The following CRISP1 variants were observed in gnomAD, a reference collection of about 807,000 sequenced individuals.
The protein encoded by CRISP1 is cysteine-rich secretory protein 1.
In CRISP1, 44 loss-of-function variants were observed where a neutral mutation model predicts 33.1. That is an observed-to-expected ratio of 1.33 (90% CI 1.05 to 1.71). The LOEUF (loss-of-function observed/expected upper bound fraction) is 1.71. Among genes scored for constraint, CRISP1 ranks in the 40% most tolerant of loss-of-function variants. The pLI, the probability that CRISP1 is intolerant of heterozygous loss-of-function variation, is 0.00. For missense variants in CRISP1, 390 were observed against 301.2 expected (o/e 1.29, Z -2.18); for synonymous variants, 103 against 98.7 (o/e 1.04, Z -0.26).
intron 1 of CRISP1, among the ~76,000 whole-genome samples, chr6:49,872,956 A>T (rs1771959976): frequency 6.6e-6 from 1 of 152,036 alleles, no homozygotes; most frequent in South Asian, 2.1e-4. Flanking sequence ...TGGTAGCTTG[A>T]TGGGGATGGC....
intron 1 of CRISP1, chr6:49,876,930 G>T (rs1229894114): frequency 6.6e-6 from 1 of 151,722 alleles, no homozygotes; most frequent in Non-Finnish European, 1.5e-5. Context: ...ATAGCCAATG[G>T]ATGCTGGGCT....
At position 49,840,900 on chromosome 6, in the gene CRISP1, A is replaced by T; in HGVS notation, c.531T>A (p.His177Gln). ...TTTTAAAAACTAATAATACATACTC[A>T]TGACAATAGTGACAAACGTAGAGAT... ...PRYLYVCHYC[H>Q]EGNDPETKNE... Residue 177 changes from histidine (H) to glutamine (Q), a missense_variant and splice_region_variant, in exon 6 of 8, where the codon CAT becomes CAA. By Grantham distance (24) the His-to-Gln change is conservative. Transcript: ENST00000335847. 1 of 1,611,566 alleles carries T rather than the reference A, an allele frequency of 6.2e-7. No individual in the cohort carries two copies. Among genetic ancestry groups the T allele is most frequent in the Non-Finnish European group, 8.5e-7 (1 of 1,178,212 alleles).
intron 5 of CRISP1, 90 bp from the exon 6 acceptor site, chr6:49,841,085 C>A: frequency 8.3e-7 from 1 of 1,197,718 alleles, no homozygotes; most frequent in South Asian, 1.3e-5. Context: ...TAAAAGTAAA[C>A]ATGTTGCTTT....
chr6:49,844,801 T>C (rs1167219351), intron 5 of CRISP1, among the ~76,000 whole-genome samples: 1 of 152,240 alleles, frequency 6.6e-6, no homozygotes, highest in Admixed American at 6.5e-5. Context: ...TGAGAATGTC[T>C]ATCCTATGCC....
At chr6:49,854,972 C>T (rs1292367903) in intron 2 of CRISP1, among the ~76,000 whole-genome samples, 3 of 152,122 alleles carry the variant, frequency 2.0e-5, no homozygotes, top group Non-Finnish European at 4.4e-5. Flanking sequence ...AGAAATACTC[C>T]TATTAAAATC....
upstream of CRISP1, among the ~76,000 whole-genome samples, chr6:49,869,642 G>A (rs1447861840): frequency 6.6e-6 from 1 of 152,132 alleles, no homozygotes; most frequent in Non-Finnish European, 1.5e-5. Flanking sequence ...ACAGAAAGAT[G>A]TCAGTATAAA....
rs1771006126 is a variant in CRISP1 at position 49,841,996 on chromosome 6, T to C, written c.436-1001A>G. Among the ~76,000 whole-genome samples the C allele has an allele frequency of 2.0e-5, 3 of 152,318 alleles. No individual in the cohort carries two copies. The South Asian group carries it at 6.2e-4, about 32-fold the overall frequency. ...CCTTATGTGAGCCTGGGTAGCTTTCTCACAGTCCTAGAGACTTTCCTCACA... is the reference window on the plus strand; with the variant it reads ...CCTTATGTGAGCCTGGGTAGCTTTCCCACAGTCCTAGAGACTTTCCTCACA... On this transcript the variant is annotated intron_variant, in intron 5 of 7. Transcript: ENST00000335847.
At chr6:49,855,143 C>T (rs927387479) in intron 2 of CRISP1, among the ~76,000 whole-genome samples, 1 of 152,022 alleles carries the variant, frequency 6.6e-6, no homozygotes. Flanking sequence ...CCTTTCTTTG[C>T]TTCTTTCACC....
At chr6:49,875,043 T>C (rs1018814881) in intron 1 of CRISP1, among the ~76,000 whole-genome samples, 1 of 151,966 alleles carries the variant, frequency 6.6e-6, no homozygotes, top group Admixed American at 6.6e-5. Flanking sequence ...CAACATATTA[T>C]TGGAAATTAT....
chr6:49,840,606 G>A (rs962114743), intron 6 of CRISP1, among the ~76,000 whole-genome samples: 2 of 152,086 alleles, frequency 1.3e-5, no homozygotes, highest in African/African-American at 4.8e-5. Flanking sequence ...AAGACTGCTG[G>A]TAAATTGCTC....
chr6:49,860,854 G>C (rs1771629270), intron 1 of CRISP1, among the ~76,000 whole-genome samples: 3 of 151,700 alleles, frequency 2.0e-5, no homozygotes, highest in Admixed American at 2.0e-4. Context: ...AAGACCAATA[G>C]GCCGAGTAAC....
In CRISP1 at chr6:49,839,816, CTT is replaced by C. The variant is rs563035950; in HGVS notation, c.533+1080_533+1081del. 2.2e-3 allele frequency among the ~76,000 whole-genome samples: 332 copies of C among 152,226 alleles called. 1 individual carries two copies. The highest frequency in any genetic ancestry group is 4.6e-3 in the African/African-American group (191 of 41,560). On this transcript the variant is annotated intron_variant, in intron 6 of 7. Transcript: ENST00000335847. Reference sequence around the variant, plus strand: ...TGTAGCAGCAAAGAGATTTTATTGTCTTCAGCACAATTTATATATAACTCATA... The same window carrying C: ...TGTAGCAGCAAAGAGATTTTATTGTCCAGCACAATTTATATATAACTCATA...
chr6:49,864,441 T>C (rs2127478023), intron 1 of CRISP1, among the ~76,000 whole-genome samples: 1 of 150,856 alleles, frequency 6.6e-6, no homozygotes, highest in East Asian at 2.0e-4. Context: ...TTTGGATATA[T>C]ACCCCAGAGT....
intron 7 of CRISP1, among the ~76,000 whole-genome samples, chr6:49,836,359 G>A (rs926986404): frequency 2.0e-5 from 3 of 147,438 alleles, no homozygotes; most frequent in Non-Finnish European, 3.0e-5. Flanking sequence ...TTTTTGAGAC[G>A]GAGTCTCGCT....
chr6:49,875,945 TA>T (rs377565898), intron 1 of CRISP1, among the ~76,000 whole-genome samples: 12 of 150,804 alleles, frequency 8.0e-5, no homozygotes, highest in African/African-American at 2.4e-4. Flanking sequence ...ACAAAAACCC[TA>T]AAAAAAAATC....
intron 5 of CRISP1, among the ~76,000 whole-genome samples, chr6:49,842,758 A>C (rs928682856): frequency 6.6e-6 from 1 of 152,156 alleles, no homozygotes; most frequent in Non-Finnish European, 1.5e-5. Flanking sequence ...TCTCAAGTGC[A>C]TATGAAAGAT....
intron 6 of CRISP1, among the ~76,000 whole-genome samples, chr6:49,840,511 G>A (rs1350528180): frequency 6.6e-6 from 1 of 152,100 alleles, no homozygotes; most frequent in Non-Finnish European, 1.5e-5. Context: ...CTCTTGTTTT[G>A]TTGAAGTAAA....
chr6:49,865,604 A>T (rs960726628), intron 1 of CRISP1, among the ~76,000 whole-genome samples: 7 of 152,198 alleles, frequency 4.6e-5, no homozygotes, highest in Admixed American at 2.6e-4. Flanking sequence ...GGTATATATT[A>T]CTAAAGGTAA....
intron 1 of CRISP1, among the ~76,000 whole-genome samples, chr6:49,864,078 AAACC>A (rs1301825559): frequency 6.6e-6 from 1 of 152,140 alleles, no homozygotes; most frequent in East Asian, 1.9e-4. Context: ...CTCAAGAGTA[AAACC>A]TATCTTGATA....
Sources: allele counts gnomAD v4.1 joint callset (sites outside exome capture counted in the v4.1 genomes callset), GRCh38; gene constraint gnomAD v4.1.1; transcripts MANE v1.5; gene names NCBI Gene and HGNC (gene_info 2026-07-23, HGNC 2026-07-21).